MAP2K1: variants seen among roughly 807,000 people sequenced by gnomAD.
MAP2K1 encodes dual specificity mitogen-activated protein kinase kinase 1.
MAP2K1 carries 16 observed loss-of-function variants against 46.3 expected under a neutral mutation model. The observed-to-expected ratio is 0.35, with a 90% confidence interval of 0.23 to 0.52. The LOEUF (loss-of-function observed/expected upper bound fraction) is 0.52. MAP2K1 is among the 20% of genes least tolerant of loss of function. The pLI is 0.94. For missense variants in MAP2K1, 263 were observed against 497.1 expected (o/e 0.53, Z 4.48); for synonymous variants, 183 against 185.6 (o/e 0.99, Z 0.11).
intron 1 of MAP2K1, among the ~76,000 whole-genome samples, chr15:66,388,926 G>C (rs1328578070): frequency 1.3e-5 from 1 of 79,438 alleles, no homozygotes; most frequent in Admixed American, 1.4e-4. Context: ...TTTTTTTTGA[G>C]TCGGAGTTTC....
At chr15:66,470,118 T>G (rs1003506481) in intron 5 of MAP2K1, among the ~76,000 whole-genome samples, 9 of 67,436 alleles carry the variant, frequency 1.3e-4, no homozygotes, top group Non-Finnish European at 1.6e-4. Context: ...TTTTTTTTTT[T>G]GTGGGAATTT....
chr15:66,418,177 G>A (rs1275315459), intron 1 of MAP2K1, among the ~76,000 whole-genome samples: 1 of 152,214 alleles, frequency 6.6e-6, no homozygotes, highest in Non-Finnish European at 1.5e-5. Context: ...TACGCTGTAT[G>A]TAAATGGAGA....
At chr15:66,475,137 A>T (rs975979460) in intron 5 of MAP2K1, among the ~76,000 whole-genome samples, 1 of 152,104 alleles carries the variant, frequency 6.6e-6, no homozygotes, top group African/African-American at 2.4e-5. Flanking sequence ...TTTTCTCAGA[A>T]TTTTAATTAT....
intron 1 of MAP2K1, among the ~76,000 whole-genome samples, chr15:66,423,336 A>T (rs2093448266): frequency 6.6e-6 from 1 of 152,004 alleles, no homozygotes; most frequent in African/African-American, 2.4e-5. Context: ...GATAGTTCCA[A>T]CATCTGGGTC....
chr15:66,394,006 C>T (rs1016359134), intron 1 of MAP2K1, among the ~76,000 whole-genome samples: 1 of 152,174 alleles, frequency 6.6e-6, no homozygotes, highest in Non-Finnish European at 1.5e-5. Flanking sequence ...TCTTCTTCTG[C>T]CACCCCAAGT....
intron 3 of MAP2K1, among the ~76,000 whole-genome samples, chr15:66,438,737 A>C (rs2093495552): frequency 6.6e-6 from 1 of 152,112 alleles, no homozygotes; most frequent in East Asian, 1.9e-4. Context: ...AGAGCATGAG[A>C]CTGGGAGGGG....
chr15:66,400,300 A>G (rs1471689182), intron 1 of MAP2K1, among the ~76,000 whole-genome samples: 2 of 152,144 alleles, frequency 1.3e-5, no homozygotes, highest in Non-Finnish European at 2.9e-5. Flanking sequence ...CTGGGATTAC[A>G]GGTGTCAGCC....
chr15:66,448,732 A>G (rs558180517), intron 5 of MAP2K1, among the ~76,000 whole-genome samples: 3 of 152,246 alleles, frequency 2.0e-5, no homozygotes, highest in South Asian at 4.2e-4. Flanking sequence ...GGCTGGGCAC[A>G]GTGGCTCACG....
chr15:66,428,316 G>GTGTGTGTGTA, intron 1 of MAP2K1, among the ~76,000 whole-genome samples: 1 of 128,870 alleles, frequency 7.8e-6, no homozygotes, highest in East Asian at 2.1e-4. Context: ...GTGTGTGTGT[G>GTGTGTGTGTA]TGTGTGTGTA....
At chr15:66,413,476 C>T (rs2093416459) in intron 1 of MAP2K1, among the ~76,000 whole-genome samples, 1 of 152,164 alleles carries the variant, frequency 6.6e-6, no homozygotes, top group South Asian at 2.1e-4. Context: ...CCTGTGTCTA[C>T]CTGTTCATAA....
At chr15:66,417,607 C>T (rs1270718603) in intron 1 of MAP2K1, among the ~76,000 whole-genome samples, 2 of 152,088 alleles carry the variant, frequency 1.3e-5, no homozygotes, top group Non-Finnish European at 2.9e-5. Context: ...TAAGTGAGCA[C>T]CTGCATTGAC....
At chr15:66,420,729 G>A (rs371606422) in intron 1 of MAP2K1, among the ~76,000 whole-genome samples, 15,242 of 29,796 alleles carry the variant, frequency 0.51, 4,394 homozygotes, top group South Asian at 0.59. Flanking sequence ...ATATGTGTGT[G>A]TGTGTGTGTG....
intron 1 of MAP2K1, among the ~76,000 whole-genome samples, chr15:66,407,998 A>C (rs1380066183): frequency 6.6e-6 from 1 of 152,212 alleles, no homozygotes; most frequent in Non-Finnish European, 1.5e-5. Context: ...GCAGACTTTG[A>C]GTTTGAATTC....
intron 1 of MAP2K1, among the ~76,000 whole-genome samples, chr15:66,407,011 CA>C (rs1055347523): frequency 2.6e-5 from 4 of 151,044 alleles, no homozygotes; most frequent in Non-Finnish European, 5.9e-5. Context: ...CAAAACAAAA[CA>C]AAAAAAAAGA....
At chr15:66,476,766 G>C (rs888410567) in intron 5 of MAP2K1, among the ~76,000 whole-genome samples, 2 of 152,218 alleles carry the variant, frequency 1.3e-5, no homozygotes, top group Non-Finnish European at 1.5e-5. Flanking sequence ...GTGTAGGCGG[G>C]GGGAGGGAGA....
At chr15:66,395,696 C>T (rs1174786875) in intron 1 of MAP2K1, among the ~76,000 whole-genome samples, 2 of 151,812 alleles carry the variant, frequency 1.3e-5, no homozygotes, top group East Asian at 3.9e-4. Context: ...CGTGCCTCAG[C>T]CTCCCGAGTA....
rs764170138 is a variant in MAP2K1, at chr15:66,490,321, G to A, written c.1069-181G>A. On this transcript the variant is annotated intron_variant, in intron 10 of 10. Coordinates refer to ENST00000307102, the MANE Select transcript of MAP2K1 (RefSeq NM_002755.4). ...TTGCCCAAGGCCTCACAGCTGCTGT[G>A]ACTGGTGGAGCAGGTCTTTGGGCCT... 12 of 704,802 alleles carry A rather than the reference G, an allele frequency of 1.7e-5. No individual in the cohort carries two copies. The African/African-American group carries it at 1.7e-4, about 10-fold the overall frequency. The allele number at this position is 704,802 out of a possible 1,614,324, so 43.7% of individuals were successfully genotyped here.
chr15:66,391,882 T>C (rs1156823278), intron 1 of MAP2K1, among the ~76,000 whole-genome samples: 1 of 152,216 alleles, frequency 6.6e-6, no homozygotes, highest in Non-Finnish European at 1.5e-5. Flanking sequence ...TGTATGTATC[T>C]GCTTAGGATT....
intron 1 of MAP2K1, among the ~76,000 whole-genome samples, chr15:66,390,901 A>G (rs2093354852): frequency 6.6e-6 from 1 of 151,994 alleles, no homozygotes. Flanking sequence ...AGGCCTCTGT[A>G]CATGCTGTTC....
Sources: gnomAD v4.1 joint callset for allele counts (sites outside exome capture counted in the v4.1 genomes callset) on GRCh38, gnomAD v4.1.1 for gene constraint, MANE v1.5 for transcripts, NCBI Gene and HGNC (gene_info 2026-07-23, HGNC 2026-07-21) for gene names.